The following IL1RAP variants were observed in gnomAD, a reference collection of about 807,000 sequenced individuals.
IL1RAP encodes the protein interleukin 1 receptor accessory protein, also known as interleukin-1 receptor accessory protein.
IL1RAP carries 35 observed loss-of-function variants against 60.7 expected under a neutral mutation model. The ratio of observed to expected loss-of-function variants is 0.58; its 90% confidence interval spans 0.44 to 0.76. The LOEUF is 0.76. Among genes scored for constraint, IL1RAP ranks in the 30% least tolerant of loss-of-function variants. The pLI, the probability that IL1RAP is intolerant of heterozygous loss-of-function variation, is 0.00. For missense variants in IL1RAP, 572 were observed against 693.9 expected, an observed-to-expected ratio of 0.82 and a Z score of 1.97; for synonymous variants, 268 against 250.9, an observed-to-expected ratio of 1.07 and a Z score of -0.64.
intron 3 of IL1RAP, among the ~76,000 whole-genome samples, chr3:190,573,457 A>G (rs1727176922): frequency 2.0e-5 from 3 of 152,186 alleles, no homozygotes; most frequent in African/African-American, 7.2e-5. Flanking sequence ...GTTGATTGAA[A>G]TCATGGAAAT....
intron 3 of IL1RAP, among the ~76,000 whole-genome samples, chr3:190,565,132 T>C (rs1242797542): frequency 6.6e-6 from 1 of 151,870 alleles, no homozygotes; most frequent in Non-Finnish European, 1.5e-5. Context: ...AATTTGTCTC[T>C]TTCCAAACAT....
chr3:190,630,568 C>T (rs1388669520), intron 9 of IL1RAP, among the ~76,000 whole-genome samples: 2 of 152,178 alleles, frequency 1.3e-5, no homozygotes, highest in African/African-American at 4.8e-5. Context: ...TTCATTACAA[C>T]TTTAAAACTA....
At position 190,611,763 on chromosome 3, in the gene IL1RAP, T is replaced by C. The variant is rs924942669; in HGVS notation, c.537+2582T>C. Among the ~76,000 whole-genome samples, 12 of 152,298 alleles carry C rather than the reference T, an allele frequency of 7.9e-5. No individual in the cohort carries two copies. In the South Asian group the frequency reaches 8.3e-4, roughly 11 times the overall value. Reference sequence around the variant, plus strand: ...CATTAACTCTTAGATGTGTTTTGCATGGTTTTTTTGTATGTGCTTTATTTT... The same window carrying C: ...CATTAACTCTTAGATGTGTTTTGCACGGTTTTTTTGTATGTGCTTTATTTT... On this transcript the variant is annotated intron_variant, in intron 5 of 11. Coordinates refer to ENST00000447382, the MANE Select transcript of IL1RAP (RefSeq NM_002182.4).
Position 190,556,160 on chromosome 3 carries a change from A to C in IL1RAP, c.-58A>C, listed in dbSNP as rs1450317828. On this transcript the variant is annotated 5_prime_UTR_variant, in exon 2 of 12. Transcript: ENST00000447382. ...GTCATGTGATCATCACCTAAGAACT[A>C]GAACATCAGCAGGCCCTAGAAGCCT... is the stretch of plus-strand genomic sequence containing the variant. 2 of 152,152 alleles carry C rather than the reference A, an allele frequency of 1.3e-5. No individual in the cohort carries two copies. Among genetic ancestry groups the C allele is most frequent in the Non-Finnish European group, 2.9e-5 (2 of 68,028 alleles). The allele number at this position is 152,152 out of a possible 1,614,324, so 9.4% of individuals were successfully genotyped here.
At chr3:190,529,552 A>G (rs1200935389) in intron 1 of IL1RAP, among the ~76,000 whole-genome samples, 2 of 151,878 alleles carry the variant, frequency 1.3e-5, no homozygotes, top group African/African-American at 4.8e-5. Flanking sequence ...GGGTGTGGTG[A>G]CGCACGCCTG....
chr3:190,603,188 G>A (rs1004287243), intron 3 of IL1RAP, among the ~76,000 whole-genome samples: 1 of 152,154 alleles, frequency 6.6e-6, no homozygotes, highest in African/African-American at 2.4e-5. Context: ...TGTGGATACA[G>A]GGGAAAGAGA....
chr3:190,622,607 A>G lies in IL1RAP; in HGVS notation c.704-737A>G, dbSNP rs373818963. On this transcript the variant is annotated intron_variant, in intron 6 of 11. Transcript: ENST00000447382. Reference sequence around the variant, plus strand: ...TTTGGTATAACTGCTCACAAAACTCAGGAAAACCTTTTACTTACCCTTACT... The same window carrying G: ...TTTGGTATAACTGCTCACAAAACTCGGGAAAACCTTTTACTTACCCTTACT... 4.1e-4 allele frequency among the ~76,000 whole-genome samples: 62 copies of G among 152,334 alleles called. 1 individual carries two copies. In the East Asian group the frequency reaches 6.6e-3, roughly 16 times the overall value.
intron 7 of IL1RAP, among the ~76,000 whole-genome samples, chr3:190,625,488 G>A (rs569135561): frequency 6.6e-6 from 1 of 152,120 alleles, no homozygotes; most frequent in Non-Finnish European, 1.5e-5. Context: ...AATTAAAAGA[G>A]TTCAGGGACT....
At chr3:190,645,878 T>C in intron 11 of IL1RAP, 36 bp downstream of exon 11, 2 of 1,572,414 alleles carry the variant, frequency 1.3e-6, no homozygotes, top group East Asian at 2.3e-5. Flanking sequence ...GATGCTACCT[T>C]GAAAGGCAGA....
chr3:190,587,644 C>T (rs529767123), intron 3 of IL1RAP, among the ~76,000 whole-genome samples: 5 of 152,262 alleles, frequency 3.3e-5, no homozygotes, highest in East Asian at 3.9e-4. Flanking sequence ...GGATCAGTAG[C>T]GAGTTTGCTG....
rs879750089 is a variant in IL1RAP at position 190,651,078 on chromosome 3, T to C, written c.*2373T>C. The C allele has an allele frequency of 8.5e-5, 84 of 985,114 alleles. No individual in the cohort carries two copies. The Admixed American group carries it at 1.4e-3, about 16-fold the overall frequency. The allele number at this position is 985,114 out of a possible 1,614,324, so 61.0% of individuals were successfully genotyped here. On this transcript the variant is annotated 3_prime_UTR_variant, in exon 12 of 12. Coordinates refer to ENST00000447382, the MANE Select transcript of IL1RAP (RefSeq NM_002182.4). ...AAGAGAATTTGTTTCAAGATTTTTT[T>C]TTAATGTTCCAGAAGATGGCCAATA...
chr3:190,562,366 AG>A (rs1725965603), intron 2 of IL1RAP, among the ~76,000 whole-genome samples: 1 of 149,472 alleles, frequency 6.7e-6, no homozygotes. Flanking sequence ...TTCATATTGC[AG>A]GGGGTTTTTT....
At chr3:190,639,152 G>T (rs1733460078) in intron 9 of IL1RAP, among the ~76,000 whole-genome samples, 1 of 151,994 alleles carries the variant, frequency 6.6e-6, no homozygotes, top group Non-Finnish European at 1.5e-5. Flanking sequence ...TCAGTTCTAT[G>T]TGTTTATATT....
chr3:190,610,831 G>T (rs1730759283), intron 5 of IL1RAP, among the ~76,000 whole-genome samples: 1 of 152,180 alleles, frequency 6.6e-6, no homozygotes, highest in South Asian at 2.1e-4. Flanking sequence ...TCAACTTGAA[G>T]AGTCTTCTGT....
rs185676977 is a variant in IL1RAP, at chr3:190,608,503, G to A, written c.351-492G>A. ...AGGTGAGTGAGCAGTGAATGAATGT[G>A]AAAGCCCAGGACATTACTATACACT... On this transcript the variant is annotated intron_variant, in intron 4 of 11. Transcript: ENST00000447382. 5.5e-4 allele frequency among the ~76,000 whole-genome samples: 83 copies of A among 152,266 alleles called. 1 individual carries two copies. Among genetic ancestry groups the A allele is most frequent in the African/African-American group, 1.9e-3 (77 of 41,548 alleles).
intron 1 of IL1RAP, among the ~76,000 whole-genome samples, chr3:190,551,985 A>G (rs1724905666): frequency 6.6e-6 from 1 of 152,230 alleles, no homozygotes; most frequent in South Asian, 2.1e-4. Flanking sequence ...AGAAGATTGA[A>G]CATCATTTTG....
intron 3 of IL1RAP, among the ~76,000 whole-genome samples, chr3:190,568,443 G>A (rs764730005): frequency 1.3e-5 from 2 of 152,178 alleles, no homozygotes; most frequent in Non-Finnish European, 2.9e-5. Flanking sequence ...GCTACTAGAA[G>A]TAAGATCCTC....
chr3:190,655,821 G>A (rs1734600424), downstream of IL1RAP: 1 of 1,147,742 alleles, frequency 8.7e-7, no homozygotes, highest in African/African-American at 1.5e-5. Context: ...CTGGAGGATG[G>A]ACAATAACGA....
In IL1RAP at chr3:190,603,974, C is replaced by G. The variant is rs150313178; in HGVS notation, c.65-154C>G. On this transcript the variant is annotated intron_variant, in intron 3 of 11. Transcript: ENST00000447382. ...CAGCAGTTTCTTCACACCAAAGGTG[C>G]CTACTGTATGCAATTATTAGAGGGA... Among the ~76,000 whole-genome samples the G allele has an allele frequency of 1.9e-3, 288 of 152,168 alleles. 1 individual carries two copies. Among genetic ancestry groups the G allele is most frequent in the African/African-American group, 6.7e-3 (279 of 41,510 alleles).
Sources: allele counts gnomAD v4.1 joint callset (sites outside exome capture counted in the v4.1 genomes callset), GRCh38; gene constraint gnomAD v4.1.1; transcripts MANE v1.5; gene names NCBI Gene and HGNC (gene_info 2026-07-23, HGNC 2026-07-21).